IKZF2: variants seen among roughly 807,000 people sequenced by gnomAD.
IKZF2 encodes IKAROS family zinc finger 2, also known as zinc finger protein Helios.
Under a neutral mutation model 49.2 loss-of-function variants are expected in IKZF2, and 15 were observed. The ratio of observed to expected loss-of-function variants is 0.30; its 90% CI spans 0.20 to 0.47. The LOEUF (loss-of-function observed/expected upper bound fraction) is 0.47, where lower values mean the gene tolerates loss of function less well. IKZF2 is among the 20% of genes least tolerant of loss of function. The probability of loss-of-function intolerance (pLI) is 1.00; values close to 1 mark genes in which losing one functional copy is unlikely to be tolerated. For synonymous variants in IKZF2, 227 were observed against 221.4 expected (o/e 1.03, Z -0.23); for missense variants, 567 against 664.6 (o/e 0.85, Z 1.61).
chr2:213,070,356 TGAA>T (rs922268841), intron 4 of IKZF2, among the ~76,000 whole-genome samples: 4 of 152,126 alleles, frequency 2.6e-5, no homozygotes, highest in African/African-American at 7.2e-5. Flanking sequence ...AATAGAATCC[TGAA>T]GAATAGCTTT....
intron 4 of IKZF2, among the ~76,000 whole-genome samples, chr2:213,086,798 G>C (rs547611297): frequency 1.4e-4 from 21 of 152,196 alleles, no homozygotes; most frequent in South Asian, 4.2e-4. Flanking sequence ...GAGTGGAGGG[G>C]GGAGGAAAAG....
intron 4 of IKZF2, among the ~76,000 whole-genome samples, chr2:213,064,999 CA>C (rs887944708): frequency 6.6e-6 from 1 of 152,102 alleles, no homozygotes; most frequent in Non-Finnish European, 1.5e-5. Flanking sequence ...TAAGAATATC[CA>C]AAGTGTAGTC....
chr2:213,047,973 T>C (rs1225833815), intron 6 of IKZF2, among the ~76,000 whole-genome samples: 1 of 152,026 alleles, frequency 6.6e-6, no homozygotes, highest in Non-Finnish European at 1.5e-5. Context: ...TAATGATCAA[T>C]TTTGAGCTTT....
At chr2:213,059,917 T>C (rs939487139) in intron 4 of IKZF2, among the ~76,000 whole-genome samples, 8 of 151,376 alleles carry the variant, frequency 5.3e-5, no homozygotes, top group Non-Finnish European at 1.2e-4. Context: ...AGTAAAGCCG[T>C]AGTAATCTAT....
At chr2:213,100,223 T>A (rs538645190) in intron 4 of IKZF2, among the ~76,000 whole-genome samples, 3 of 152,082 alleles carry the variant, frequency 2.0e-5, no homozygotes, top group Non-Finnish European at 4.4e-5. Flanking sequence ...AAGCCCCCTA[T>A]TTTTATTACT....
rs1027903960 is a variant in IKZF2, at chr2:213,006,266, T to C, written c.*1094A>G. On this transcript the variant is annotated 3_prime_UTR_variant, in exon 9 of 9. Transcript: ENST00000434687. Reference sequence around the variant, plus strand: ...CGAAGAGTAAAGGATGAATGAACTATGGACAGAACACCGGGAGGTCACATC... The same window carrying C: ...CGAAGAGTAAAGGATGAATGAACTACGGACAGAACACCGGGAGGTCACATC... The C allele has an allele frequency of 6.6e-6, 1 of 152,270 alleles. No homozygotes were observed. Among genetic ancestry groups the C allele is most frequent in the Admixed American group, 6.6e-5 (1 of 15,214 alleles). The allele number at this position is 152,270 out of a possible 1,614,324, so 9.4% of individuals were successfully genotyped here.
rs144475263 is a variant in IKZF2, at chr2:213,148,211, G to A, written c.34+385C>T. On this transcript the variant is annotated intron_variant, in intron 3 of 8. Transcript: ENST00000434687. ...AGGTAGCTAAAGAAATGTCAAGTTAGGAAAGCTAATTCTCTTTCACATAAT... is the reference window on the plus strand; with the variant it reads ...AGGTAGCTAAAGAAATGTCAAGTTAAGAAAGCTAATTCTCTTTCACATAAT... Among the ~76,000 whole-genome samples the A allele has an allele frequency of 4.3e-3, 654 of 152,270 alleles. 5 individuals carry two copies. The highest frequency in any genetic ancestry group is 0.015 in the African/African-American group (612 of 41,556).
chr2:213,059,395 T>C (rs1053743466), intron 4 of IKZF2, among the ~76,000 whole-genome samples: 1 of 151,708 alleles, frequency 6.6e-6, no homozygotes, highest in South Asian at 2.1e-4. Context: ...ATTCTATATC[T>C]TGCATCAACA....
intron 4 of IKZF2, 96 bp from the exon 5 acceptor site, chr2:213,057,195 A>G (rs1701246375): frequency 9.5e-6 from 10 of 1,054,692 alleles, no homozygotes; most frequent in African/African-American, 1.6e-5. Flanking sequence ...TAAATGGATG[A>G]AAATGATATA....
chr2:213,118,602 C>CT (rs2059952067), intron 4 of IKZF2, among the ~76,000 whole-genome samples: 1 of 152,148 alleles, frequency 6.6e-6, no homozygotes, highest in Non-Finnish European at 1.5e-5. Context: ...CCACCTAAAA[C>CT]TTTTTTTCCC....
intron 4 of IKZF2, among the ~76,000 whole-genome samples, chr2:213,104,349 C>T (rs1260205839): frequency 6.6e-6 from 1 of 152,080 alleles, no homozygotes; most frequent in Non-Finnish European, 1.5e-5. Context: ...CAGCCCATTC[C>T]TTAACAAACT....
chr2:213,018,002 C>T (rs944442613), intron 7 of IKZF2, among the ~76,000 whole-genome samples: 1 of 152,060 alleles, frequency 6.6e-6, no homozygotes, highest in Non-Finnish European at 1.5e-5. Flanking sequence ...CCCAATAATG[C>T]CTCTATACTG....
At chr2:213,109,080 C>T (rs1373943042) in intron 4 of IKZF2, among the ~76,000 whole-genome samples, 1 of 151,902 alleles carries the variant, frequency 6.6e-6, no homozygotes, top group Non-Finnish European at 1.5e-5. Context: ...TTATTCTATC[C>T]AATTAATATA....
intron 4 of IKZF2, among the ~76,000 whole-genome samples, chr2:213,138,173 T>A (rs1017753917): frequency 6.6e-6 from 1 of 152,072 alleles, no homozygotes; most frequent in Non-Finnish European, 1.5e-5. Context: ...ATTACAAGTA[T>A]ATGGAATTAA....
intron 7 of IKZF2, chr2:213,015,292 T>C (rs182007999): frequency 1.3e-5 from 2 of 152,156 alleles, no homozygotes; most frequent in Admixed American, 1.3e-4. Flanking sequence ...TAATAAGAAG[T>C]CCTCTGGCTA....
Position 213,056,453 on chromosome 2 carries a change from C to A in IKZF2, c.406+380G>T, listed in dbSNP as rs6725579. 8.2e-3 allele frequency: 2,458 copies of A among 300,476 alleles called. 47 individuals carry two copies. The highest frequency in any genetic ancestry group is 0.051 in the African/African-American group (2,306 of 44,964). 18.6% of individuals were successfully genotyped at this position (300,476 alleles called of 1,614,324 possible). A position where few individuals can be genotyped will look rare whatever the true frequency, so the allele number is the denominator to read the frequency against. On this transcript the variant is annotated intron_variant, in intron 5 of 8. Transcript: ENST00000434687. ...ATTCACTTACATAAATGCATGAGTG[C>A]CATTTTGTAGTATAAACTCTTATCT...
chr2:213,056,500 A>AT (rs1701164994), intron 5 of IKZF2: 2 of 401,262 alleles, frequency 5.0e-6, no homozygotes, highest in Non-Finnish European at 9.4e-6. Context: ...TTACCTGCCC[A>AT]TGGGTATGGT....
chr2:213,091,097 A>G (rs1705270926), intron 4 of IKZF2, among the ~76,000 whole-genome samples: 1 of 152,178 alleles, frequency 6.6e-6, no homozygotes, highest in Admixed American at 6.6e-5. Flanking sequence ...GAGACGGGCT[A>G]ATTTTACGAT....
intron 4 of IKZF2, among the ~76,000 whole-genome samples, chr2:213,103,374 A>G (rs1237325976): frequency 1.3e-5 from 2 of 152,190 alleles, no homozygotes; most frequent in African/African-American, 4.8e-5. Flanking sequence ...AAAGGATAAT[A>G]AAAAGTATTA....
Sources: allele counts gnomAD v4.1 joint callset (sites outside exome capture counted in the v4.1 genomes callset), GRCh38; gene constraint gnomAD v4.1.1; transcripts MANE v1.5; gene names NCBI Gene and HGNC (gene_info 2026-07-23, HGNC 2026-07-21).